The following NCAM2 variants were observed in gnomAD, a reference collection of about 807,000 sequenced individuals.
NCAM2 encodes the protein N-CAM-2.
NCAM2 carries 30 observed loss-of-function variants against 98.1 expected under a neutral mutation model. That is an observed-to-expected ratio of 0.31 (90% CI 0.23 to 0.41). NCAM2 has a LOEUF of 0.41. Among genes scored for constraint, NCAM2 ranks in the 10% least tolerant of loss-of-function variants. The pLI is 1.00. For synonymous variants in NCAM2, 368 were observed against 342.4 expected (o/e 1.07, Z -0.83); for missense variants, 867 against 1,005.8 (o/e 0.86, Z 1.87).
chr21:21,431,582 A>C (rs751191261), intron 11 of NCAM2, among the ~76,000 whole-genome samples: 1 of 152,176 alleles, frequency 6.6e-6, no homozygotes, highest in Non-Finnish European at 1.5e-5. Context: ...AATAGTTTAC[A>C]GTCTTATTTA....
chr21:21,355,656 C>A (rs2075457209), intron 8 of NCAM2, among the ~76,000 whole-genome samples: 1 of 151,606 alleles, frequency 6.6e-6, no homozygotes, highest in Non-Finnish European at 1.5e-5. Flanking sequence ...CGCTCTGTCA[C>A]CCAGGCTGGA....
chr21:21,460,411 T>A (rs1044480259), intron 12 of NCAM2, among the ~76,000 whole-genome samples: 9 of 151,892 alleles, frequency 5.9e-5, no homozygotes, highest in Non-Finnish European at 8.8e-5. Context: ...CCAAACTCTG[T>A]TAGTTCTGGT....
At position 21,186,014 on chromosome 21, in the gene NCAM2, C is replaced by T. The variant is rs116017146; in HGVS notation, c.56-94564C>T. ...AAGAGATGCTTCTGGAGCACTGATG[C>T]GGTTCTCTTTCTTGACATAGATTCT... On this transcript the variant is annotated intron_variant, in intron 1 of 17. Coordinates refer to ENST00000400546, the MANE Select transcript of NCAM2 (RefSeq NM_004540.5). Among the ~76,000 whole-genome samples the T allele has an allele frequency of 3.9e-3, 600 of 152,188 alleles. 3 individuals are homozygous for T. The highest frequency in any genetic ancestry group is 0.014 in the African/African-American group (576 of 41,556).
chr21:21,378,093 A>G (rs2076072460), intron 9 of NCAM2, among the ~76,000 whole-genome samples: 2 of 151,928 alleles, frequency 1.3e-5, no homozygotes, highest in South Asian at 4.1e-4. Context: ...ATTGGTGGAC[A>G]TTTAGGTTGA....
At chr21:21,235,640 A>G (rs2070789574) in intron 1 of NCAM2, among the ~76,000 whole-genome samples, 1 of 152,090 alleles carries the variant, frequency 6.6e-6, no homozygotes, top group Admixed American at 6.6e-5. Context: ...AATTTGATTT[A>G]TATAGTGAAC....
intron 8 of NCAM2, among the ~76,000 whole-genome samples, chr21:21,357,798 A>C (rs979449967): frequency 1.3e-5 from 2 of 152,210 alleles, no homozygotes; most frequent in Non-Finnish European, 2.9e-5. Context: ...ATAAAAAAAC[A>C]AATAATACAG....
intron 8 of NCAM2, among the ~76,000 whole-genome samples, chr21:21,366,568 C>G (rs2075792080): frequency 6.6e-6 from 1 of 152,006 alleles, no homozygotes; most frequent in South Asian, 2.1e-4. Context: ...GTCTGTAGGT[C>G]TCTTTTAAGT....
chr21:21,073,987 G>A (rs1205418627), intron 1 of NCAM2, among the ~76,000 whole-genome samples: 1 of 152,122 alleles, frequency 6.6e-6, no homozygotes, highest in Non-Finnish European at 1.5e-5. Context: ...GGGACCTTCT[G>A]ATTTCCTCCC....
chr21:21,042,310 G>A (rs6417715), intron 1 of NCAM2, among the ~76,000 whole-genome samples: 141,634 of 152,084 alleles, frequency 0.93, 66,775 homozygotes, highest in East Asian at 1. Flanking sequence ...TCAGCCTCCC[G>A]AGTAGCTGGT....
intron 1 of NCAM2, among the ~76,000 whole-genome samples, chr21:21,040,383 G>T (rs149794239): frequency 3.3e-5 from 5 of 152,146 alleles, no homozygotes; most frequent in African/African-American, 9.6e-5. Flanking sequence ...ATGTGTGTGC[G>T]TGGGTGTGTA....
chr21:21,136,682 G>A (rs1278321055), intron 1 of NCAM2, among the ~76,000 whole-genome samples: 7 of 131,254 alleles, frequency 5.3e-5, no homozygotes, highest in Admixed American at 3.0e-4. Flanking sequence ...TGCCCAGGCT[G>A]GTCTCGAACT....
At chr21:21,385,853 T>A (rs548737548) in intron 9 of NCAM2, 1 of 162,268 alleles carries the variant, frequency 6.2e-6, no homozygotes, top group East Asian at 1.9e-4. Flanking sequence ...ATTTTATGTA[T>A]AAATTTAATT....
intron 1 of NCAM2, among the ~76,000 whole-genome samples, chr21:21,029,821 G>A (rs1182615911): frequency 5.9e-5 from 9 of 151,704 alleles, no homozygotes; most frequent in Non-Finnish European, 1.3e-4. Context: ...TAGTAGAGAC[G>A]GGGTTTCACC....
intron 8 of NCAM2, among the ~76,000 whole-genome samples, chr21:21,350,050 T>A: frequency 6.6e-6 from 1 of 152,260 alleles, no homozygotes. Context: ...TTGTACATTT[T>A]AAAATAACTT....
At chr21:21,011,691 G>C (rs776933922) in intron 1 of NCAM2, among the ~76,000 whole-genome samples, 1 of 151,942 alleles carries the variant, frequency 6.6e-6, no homozygotes, top group Non-Finnish European at 1.5e-5. Context: ...AGAATGAAAA[G>C]ACTAACTATG....
At chr21:21,393,445 T>A (rs939414147) in intron 9 of NCAM2, among the ~76,000 whole-genome samples, 1 of 152,222 alleles carries the variant, frequency 6.6e-6, no homozygotes, top group Non-Finnish European at 1.5e-5. Context: ...GGTTGTCCTG[T>A]ACAATTTTTT....
rs1255813587 is a variant in NCAM2 at position 21,024,399 on chromosome 21, A to G, written c.55+25781A>G. 2.0e-5 allele frequency among the ~76,000 whole-genome samples: 3 copies of G among 152,128 alleles called. No individual in the cohort carries two copies. In the East Asian group the frequency reaches 5.8e-4, roughly 29 times the overall value. On this transcript the variant is annotated intron_variant, in intron 1 of 17. Transcript: ENST00000400546. Reference sequence around the variant, plus strand: ...AAGAAATCCTGGGGGGGGAAAAAACAGAGAAAATTGAAGTATTTATTTATA... The same window carrying G: ...AAGAAATCCTGGGGGGGGAAAAAACGGAGAAAATTGAAGTATTTATTTATA...
rs138843198 is a variant in NCAM2, at chr21:21,422,915, T to G, written c.1480+4346T>G. ...TGACTATATAGTGTTATTTCTTCCT[T>G]ACAATTTTCTACTTCCAAAAGATGA... On this transcript the variant is annotated intron_variant, in intron 11 of 17. Coordinates refer to ENST00000400546, the MANE Select transcript of NCAM2 (RefSeq NM_004540.5). Among the ~76,000 whole-genome samples, 562 of 152,262 alleles carry G rather than the reference T, an allele frequency of 3.7e-3. 4 individuals carry two copies. Among genetic ancestry groups the G allele is most frequent in the African/African-American group, 0.01 (427 of 41,578 alleles).
intron 2 of NCAM2, among the ~76,000 whole-genome samples, chr21:21,283,705 G>A (rs2073003151): frequency 6.6e-6 from 1 of 151,844 alleles, no homozygotes; most frequent in African/African-American, 2.4e-5. Flanking sequence ...GCCAAAGTTG[G>A]TTTTGTGAAA....
Sources: allele counts gnomAD v4.1 joint callset (sites outside exome capture counted in the v4.1 genomes callset), GRCh38; gene constraint gnomAD v4.1.1; transcripts MANE v1.5; gene names NCBI Gene and HGNC (gene_info 2026-07-23, HGNC 2026-07-21).